The following SIPA1L1 variants were observed in gnomAD, a reference collection of about 807,000 sequenced individuals.
SIPA1L1 encodes the protein signal-induced proliferation-associated 1-like protein 1.
In SIPA1L1, 26 loss-of-function variants were observed where a neutral mutation model predicts 162.7. That is an observed-to-expected ratio of 0.16 (90% CI 0.12 to 0.22). The LOEUF is 0.22. Among genes scored for constraint, SIPA1L1 ranks in the 10% least tolerant of loss-of-function variants. SIPA1L1 has a pLI of 1.00. For missense variants in SIPA1L1, 1,874 were observed against 2,241.0 expected, an observed-to-expected ratio of 0.84 and a Z score of 3.31; for synonymous variants, 829 against 837.4, an observed-to-expected ratio of 0.99 and a Z score of 0.17.
chr14:71,328,640 T>C (rs2034122233), intron 2 of SIPA1L1, among the ~76,000 whole-genome samples: 1 of 152,304 alleles, frequency 6.6e-6, no homozygotes, highest in African/African-American at 2.4e-5. Context: ...TAGAGGCCCA[T>C]TGATTCAAAA....
At chr14:71,498,275 T>C (rs1044912551) in intron 2 of SIPA1L1, among the ~76,000 whole-genome samples, 2 of 152,210 alleles carry the variant, frequency 1.3e-5, no homozygotes, top group African/African-American at 4.8e-5. Flanking sequence ...GGGTTTGAAA[T>C]TACAGGGAAG....
At chr14:71,496,382 G>T (rs1042446167) in intron 2 of SIPA1L1, among the ~76,000 whole-genome samples, 7 of 152,004 alleles carry the variant, frequency 4.6e-5, no homozygotes, top group Admixed American at 2.6e-4. Flanking sequence ...TTTGACCCAT[G>T]GGTTGTTTGG....
At chr14:71,579,787 T>C (rs1276898506) in intron 4 of SIPA1L1, among the ~76,000 whole-genome samples, 1 of 152,220 alleles carries the variant, frequency 6.6e-6, no homozygotes, top group Non-Finnish European at 1.5e-5. Context: ...CTCAGCTAAA[T>C]TTAAACGTGT....
intron 5 of SIPA1L1, among the ~76,000 whole-genome samples, chr14:71,599,147 CTT>C (rs35037397): frequency 2.1e-4 from 22 of 106,198 alleles, no homozygotes; most frequent in Non-Finnish European, 3.6e-4. Flanking sequence ...TGATTTCATT[CTT>C]TTTTTTTTTT....
In SIPA1L1 at chr14:71,653,795, C is replaced by T. The variant is rs543308781; in HGVS notation, c.1993+3286C>T. 9.9e-5 allele frequency among the ~76,000 whole-genome samples: 15 copies of T among 152,164 alleles called. No homozygotes were observed. In the South Asian group the frequency reaches 2.7e-3, roughly 27 times the overall value. ...ATATGTATGCCGTCTCGTTTAATTC[C>T]GACAAACCTGCTAGATACCAATTAT... On this transcript the variant is annotated intron_variant, in intron 8 of 23. Transcript: ENST00000381232.
rs1277988929 is a variant in SIPA1L1, at chr14:71,702,491, T to C, written c.3632T>C (p.Ile1211Thr). The C allele has an allele frequency of 1.2e-6, 2 of 1,614,158 alleles. No individual in the cohort carries two copies. The highest frequency in any genetic ancestry group is 1.7e-6 in the Non-Finnish European group (2 of 1,179,974). ...TPSWQRSEDS[I>T]ADQMEPTCHL... ...AGCTGGCAAAGAAGTGAGGATAGCA[T>C]TGCTGACCAGATGGGTAAGTAATCA... Residue 1211 changes from isoleucine (I) to threonine (T), a missense_variant, in exon 15 of 24, where the codon ATT becomes ACT. Physicochemically the swap from Ile to Thr is moderately conservative, Grantham distance 89 (BLOSUM62 -1). Around this residue, in one of 5 missense-constraint regions of SIPA1L1, gnomAD observed 936 missense variants for 1,051.9 expected, o/e 0.89. Transcript: ENST00000381232.
intron 14 of SIPA1L1, among the ~76,000 whole-genome samples, chr14:71,700,722 C>T (rs1426850088): frequency 6.6e-6 from 1 of 151,978 alleles, no homozygotes. Context: ...TTGGCTGGTA[C>T]GGTGGCTGTC....
intron 7 of SIPA1L1, among the ~76,000 whole-genome samples, chr14:71,647,589 G>A (rs1474335074): frequency 5.3e-5 from 8 of 152,128 alleles, no homozygotes; most frequent in Non-Finnish European, 7.3e-5. Flanking sequence ...CAGACAGCAT[G>A]TAACTTAAAG....
chr14:71,613,408 G>C (rs1421075790), intron 5 of SIPA1L1, among the ~76,000 whole-genome samples: 1 of 151,622 alleles, frequency 6.6e-6, no homozygotes, highest in East Asian at 1.9e-4. Context: ...AGAGTACTTG[G>C]CAAAATGCTT....
At chr14:71,603,951 T>TTATATAAATA (rs2037145605) in intron 5 of SIPA1L1, among the ~76,000 whole-genome samples, 2 of 144,584 alleles carry the variant, frequency 1.4e-5, no homozygotes, top group African/African-American at 5.1e-5. Flanking sequence ...CTATATATAT[T>TTATATAAATA]TATATATATT....
intron 4 of SIPA1L1, among the ~76,000 whole-genome samples, chr14:71,581,776 G>T (rs1166465407): frequency 6.6e-6 from 1 of 152,118 alleles, no homozygotes; most frequent in African/African-American, 2.4e-5. Context: ...AAGTTAGTGA[G>T]CTTTTGGTTT....
intron 2 of SIPA1L1, among the ~76,000 whole-genome samples, chr14:71,407,646 A>G (rs2042120229): frequency 6.6e-6 from 1 of 152,174 alleles, no homozygotes; most frequent in South Asian, 2.1e-4. Flanking sequence ...AGCTGGGACT[A>G]CAGGCGTGTG....
rs34342367 is a variant in SIPA1L1, at chr14:71,618,806, G to A, written c.1548G>A (p.Val516=). ...ATGAGAATCTTGGTCCAGTGGCTGT[G>A]AGCATTCGAAGGGAAAAACCAGATG... is the stretch of plus-strand genomic sequence containing the variant. The part of the protein sequence containing the change: ...GADENLGPVA[V]SIRREKPDEM... Residue 516 remains valine (V), a synonymous_variant, in exon 6 of 24, where the codon GTG becomes GTA. Coordinates refer to ENST00000381232, the MANE Select transcript of SIPA1L1 (RefSeq NM_001386936.1). The A allele has an allele frequency of 8.8e-4, 1,419 of 1,614,016 alleles. 11 individuals carry two copies. In the African/African-American group the frequency reaches 0.017, roughly 19 times the overall value.
At position 71,384,613 on chromosome 14, in the gene SIPA1L1, C is replaced by A. The variant is rs574859942; in HGVS notation, c.-465+63432C>A. Among the ~76,000 whole-genome samples, 33 of 152,244 alleles carry A rather than the reference C, an allele frequency of 2.2e-4. No homozygotes were observed. The South Asian group carries it at 6.8e-3, about 32-fold the overall frequency. On this transcript the variant is annotated intron_variant, in intron 2 of 23. Transcript: ENST00000381232. ...ATGTATGGGCCAGCAAAACATTTGCCATGTTGTGGTTTGAATTTAAGGTAA... is the reference window on the plus strand; with the variant it reads ...ATGTATGGGCCAGCAAAACATTTGCAATGTTGTGGTTTGAATTTAAGGTAA...
chr14:71,650,557 T>A (rs755390295), intron 8 of SIPA1L1, 48 bp downstream of exon 8: 2 of 1,561,188 alleles, frequency 1.3e-6, no homozygotes, highest in South Asian at 2.2e-5. Flanking sequence ...CCCCCTGTTG[T>A]GCTGTTGTGC....
chr14:71,694,987 G>A (rs1394854929), intron 13 of SIPA1L1, among the ~76,000 whole-genome samples: 1 of 152,152 alleles, frequency 6.6e-6, no homozygotes, highest in Non-Finnish European at 1.5e-5. Context: ...CCCAGTTCTT[G>A]AAGCACCTCT....
At chr14:71,464,910 G>A (rs1187932425) in intron 2 of SIPA1L1, among the ~76,000 whole-genome samples, 2 of 152,162 alleles carry the variant, frequency 1.3e-5, no homozygotes, top group Non-Finnish European at 2.9e-5. Context: ...AGGTCTAGAA[G>A]CAAACAGGGG....
intron 2 of SIPA1L1, among the ~76,000 whole-genome samples, chr14:71,461,994 C>G (rs188741793): frequency 6.6e-6 from 1 of 152,328 alleles, no homozygotes; most frequent in Non-Finnish European, 1.5e-5. Context: ...ATGTAACTTA[C>G]TTGTGCCTTC....
intron 4 of SIPA1L1, among the ~76,000 whole-genome samples, chr14:71,564,490 C>CTTTCTTTTTT (rs756891527): frequency 4.4e-4 from 43 of 97,776 alleles, no homozygotes; most frequent in African/African-American, 1.3e-3. Context: ...CATTTTCTTT[C>CTTTCTTTTTT]TTTTTTTTTT....
Sources: allele counts gnomAD v4.1 joint callset (sites outside exome capture counted in the v4.1 genomes callset), GRCh38; gene constraint gnomAD v4.1.1; regional missense constraint gnomAD v4.1.1; transcripts MANE v1.5; gene names NCBI Gene and HGNC (gene_info 2026-07-23, HGNC 2026-07-21).